Variants in CAND2 observed in about 807,000 individuals in gnomAD.
The protein encoded by CAND2 is cullin associated and neddylation dissociated 2 (putative).
A neutral mutation model predicts 98.9 loss-of-function variants in CAND2; 62 were observed. The observed-to-expected ratio is 0.63, with a 90% CI of 0.51 to 0.77. The LOEUF is 0.77. Among genes scored for constraint, CAND2 ranks in the 30% least tolerant of loss-of-function variants. The pLI, the probability that CAND2 is intolerant of heterozygous loss-of-function variation, is 0.00. For synonymous variants in CAND2, 770 were observed against 731.9 expected (o/e 1.05, Z -0.84); for missense variants, 1,501 against 1,655.2 (o/e 0.91, Z 1.62).
At position 12,810,332 on chromosome 3, in the gene CAND2, G is replaced by A. The variant is rs188667022; in HGVS notation, c.757+8G>A. On this transcript the variant is annotated splice_region_variant and intron_variant, in intron 5 of 14. Coordinates refer to ENST00000456430, the MANE Select transcript of CAND2 (RefSeq NM_001162499.2). ...AGGCCGGCCACCGCCTCGGTAAGGG[G>A]GCAGGGGGCGGGGCCTGGGCTGGCA... 13,679 of 1,438,770 alleles carry A rather than the reference G, an allele frequency of 9.5e-3. 83 individuals are homozygous for A. The highest frequency in any genetic ancestry group is 0.011 in the Non-Finnish European group (11,660 of 1,097,276). 89.1% of individuals were successfully genotyped at this position (1,438,770 alleles called of 1,614,324 possible).
rs771774968 is a variant in CAND2 at position 12,817,086 on chromosome 3, T to G, written c.2154T>G (p.Leu718=). ...MHVAQLAVDF[L]ATVTQAQPAS... Reference sequence around the variant, plus strand: ...TGGCCCAGCTGGCTGTGGACTTCCTTGCCACAGTGACCCAGGCCCAGCCAG... The same window carrying G: ...TGGCCCAGCTGGCTGTGGACTTCCTGGCCACAGTGACCCAGGCCCAGCCAG... The change falls in exon 10 of 15, where the codon CTT becomes CTG. Residue 718 remains leucine, a synonymous_variant. Transcript: ENST00000456430. 6 of 1,612,836 alleles carry G rather than the reference T, an allele frequency of 3.7e-6. No individual in the cohort carries two copies. The African/African-American group carries it at 6.7e-5, about 18-fold the overall frequency.
At chr3:12,825,415 G>A (rs2061990950) in intron 11 of CAND2, 55 bp from the exon 12 acceptor site, 2 of 1,502,876 alleles carry the variant, frequency 1.3e-6, no homozygotes, top group Non-Finnish European at 1.8e-6. Context: ...TGGTGAGGGA[G>A]GTGACTTTGT....
At position 12,810,112 on chromosome 3, in the gene CAND2, C is replaced by T. The variant is rs2061838959; in HGVS notation, c.545C>T (p.Pro182Leu). 1 of 1,509,446 alleles carries T rather than the reference C, an allele frequency of 6.6e-7. No individual in the cohort carries two copies. Among genetic ancestry groups the T allele is most frequent in the Non-Finnish European group, 8.8e-7 (1 of 1,132,112 alleles). The allele number at this position is 1,509,446 out of a possible 1,614,324, so 93.5% of individuals were successfully genotyped here. The change falls in exon 5 of 15, where the codon CCA (proline) becomes CTA (leucine). Residue 182 changes from proline to leucine, a missense_variant. Coordinates refer to ENST00000456430, the MANE Select transcript of CAND2 (RefSeq NM_001162499.2). The stretch of plus-strand genomic sequence containing the variant: ...GCCAGCCTCCTGCACTGTCTGCTGC[C>T]ACAGCTGAGCAGCCCGCGCCTGGCG... ...FHASLLHCLL[P>L]QLSSPRLAVR...
chr3:12,815,426 G>A lies in CAND2; in HGVS notation c.1292G>A (p.Arg431His), dbSNP rs1395945956. The change falls in exon 8 of 15, where the codon CGT (arginine) becomes CAT (histidine). Residue 431 changes from arginine to histidine, a missense_variant. Arg to His is a conservative substitution (Grantham distance 29). Coordinates refer to ENST00000456430, the MANE Select transcript of CAND2 (RefSeq NM_001162499.2). This position sits in a 1 kb window ranked among gnomAD's most constrained non-coding sequence, Gnocchi z 5.7. Reference sequence around the variant, plus strand: ...ACCGGCAGCAACCTCCATATGCTACGTGGACAGGTGGGCGTGCCTTCACCT... The same window carrying A: ...ACCGGCAGCAACCTCCATATGCTACATGGACAGGTGGGCGTGCCTTCACCT... ...TQTGSNLHML[R>H]GQVPLVVKAL... 10 of 1,607,396 alleles carry A rather than the reference G, an allele frequency of 6.2e-6. No homozygotes were observed. Among genetic ancestry groups the A allele is most frequent in the Non-Finnish European group, 7.7e-6 (9 of 1,175,312 alleles).
At chr3:12,819,225 AAG>A (rs1263812982) in intron 10 of CAND2, among the ~76,000 whole-genome samples, 1 of 152,260 alleles carries the variant, frequency 6.6e-6, no homozygotes, top group East Asian at 1.9e-4. Flanking sequence ...TGGCAAGGGA[AAG>A]AGGTAAAAGC....
rs1031710232 is a variant in CAND2, at chr3:12,815,910, G to A, written c.1343G>A (p.Arg448Gln). ...GCCCTGCAGCGGCAGCTTAAAGATC[G>A]GAGCGTCAGAGCCCGCCAGGGATGC... ...VKALQRQLKDRSVRARQGCFS... is the reference protein window; with the variant it reads ...VKALQRQLKDQSVRARQGCFS... Residue 448 changes from arginine to glutamine, a missense_variant, in exon 9 of 15, where the codon CGG becomes CAG. This residue lies in a region of CAND2 where 1,427 missense variants were observed against 1,545.3 expected (regional missense o/e 0.92). Transcript: ENST00000456430. The surrounding 1 kb of genome is among the most constrained non-coding windows in gnomAD (Gnocchi z 5.7). 3.1e-6 allele frequency: 5 copies of A among 1,613,744 alleles called. No homozygotes were observed. Among genetic ancestry groups the A allele is most frequent in the South Asian group, 1.1e-5 (1 of 91,086 alleles).
At position 12,820,086 on chromosome 3, in the gene CAND2, G is replaced by A; in HGVS notation, c.2945G>A (p.Gly982Asp). The change falls in exon 11 of 15, where the codon GGT becomes GAT. Residue 982 changes from glycine (G) to aspartate (D), a missense_variant and splice_region_variant. Around this residue, in one of 3 missense-constraint regions of CAND2, gnomAD observed 1,427 missense variants for 1,545.3 expected, o/e 0.92. Coordinates refer to ENST00000456430, the MANE Select transcript of CAND2 (RefSeq NM_001162499.2). ...TAACTCACCTCTTCTTGTCCTGCAG[G>A]TCGGCCACACACCCGGAGCACCGTC... ...LPRLRKQLAA[G>D]RPHTRSTVIT... The A allele has an allele frequency of 6.2e-7, 1 of 1,613,800 alleles. No individual in the cohort carries two copies. The highest frequency in any genetic ancestry group is 8.5e-7 in the Non-Finnish European group (1 of 1,179,764).
chr3:12,810,976 G>T (rs1254588541), intron 5 of CAND2, among the ~76,000 whole-genome samples: 5 of 152,214 alleles, frequency 3.3e-5, no homozygotes, highest in African/African-American at 1.2e-4. Context: ...TTTAGAAATG[G>T]AAAGCTGCAA....
At chr3:12,826,850 A>C (rs979980498) in intron 12 of CAND2, among the ~76,000 whole-genome samples, 2 of 114,430 alleles carry the variant, frequency 1.7e-5, no homozygotes, top group African/African-American at 4.0e-5. Flanking sequence ...TTTTTTTTTG[A>C]GATGGAGTCT....
In CAND2 at chr3:12,816,002, G is replaced by T. The variant is rs1451986113; in HGVS notation, c.1435G>T (p.Val479Leu). ...GSLAEHMPVLVSGIIFSLADR... is the reference protein window; with the variant it reads ...GSLAEHMPVLLSGIIFSLADR... ...CCTGGCCGAGCATATGCCTGTGCTGGTATCAGGTAGGCTGGACTGCAACCA... is the reference window on the plus strand; with the variant it reads ...CCTGGCCGAGCATATGCCTGTGCTGTTATCAGGTAGGCTGGACTGCAACCA... Residue 479 changes from valine (V) to leucine (L), a missense_variant, in exon 9 of 15, where the codon GTA becomes TTA. Val to Leu is a conservative substitution (Grantham distance 32, BLOSUM62 1). Transcript: ENST00000456430. 6.2e-7 allele frequency: 1 copy of T among 1,613,296 alleles called. No homozygotes were observed. The highest frequency in any genetic ancestry group is 1.3e-5 in the African/African-American group (1 of 74,886).
rs536543053 is a variant in CAND2, at chr3:12,820,962, G to A, written c.3040+781G>A. On this transcript the variant is annotated intron_variant, in intron 11 of 14. Transcript: ENST00000456430. The stretch of plus-strand genomic sequence containing the variant: ...AAAATGGGGGTGCTGGGCCAGGTGC[G>A]GTGGCTCTCGCCTGTAATCCCAGCA... Among the ~76,000 whole-genome samples the A allele has an allele frequency of 7.2e-5, 11 of 152,306 alleles. No homozygotes were observed. In the South Asian group the frequency reaches 8.3e-4, roughly 11 times the overall value.
chr3:12,805,820 G>A lies in CAND2; in HGVS notation c.213-1486G>A, dbSNP rs571831355. Among the ~76,000 whole-genome samples, 14 of 152,238 alleles carry A rather than the reference G, an allele frequency of 9.2e-5. No homozygotes were observed. In the South Asian group the frequency reaches 2.3e-3, roughly 25 times the overall value. On this transcript the variant is annotated intron_variant, in intron 2 of 14. Transcript: ENST00000456430. ...CCATTGGGATGTTAGAACCTCTTGC[G>A]GGGCATGGACAGTGCTTTGTTTTAC...
At chr3:12,797,902 C>CT (rs1379010600) in intron 1 of CAND2, among the ~76,000 whole-genome samples, 3 of 152,082 alleles carry the variant, frequency 2.0e-5, no homozygotes, top group African/African-American at 7.2e-5. Context: ...GGTCTGACTC[C>CT]TACTCTTCTC....
chr3:12,816,203 G>A (rs956159686), intron 9 of CAND2, among the ~76,000 whole-genome samples, 171 bp from the exon 10 acceptor site: 1 of 152,100 alleles, frequency 6.6e-6, no homozygotes, highest in African/African-American at 2.4e-5. Flanking sequence ...CCCTGGACAT[G>A]TTTCCCTCAG....
chr3:12,798,886 A>G (rs1173723260), intron 1 of CAND2, among the ~76,000 whole-genome samples: 1 of 112,402 alleles, frequency 8.9e-6, no homozygotes, highest in African/African-American at 3.8e-5. Flanking sequence ...TTTCTCTGTA[A>G]TGAAACTGAG....
chr3:12,822,027 G>T (rs937835902), intron 11 of CAND2, among the ~76,000 whole-genome samples: 2 of 152,024 alleles, frequency 1.3e-5, no homozygotes, highest in Admixed American at 1.3e-4. Flanking sequence ...TAGCATCCAC[G>T]GTTGTTTCTT....
chr3:12,807,512 TA>T (rs34529773), intron 3 of CAND2, 52 bp downstream of exon 3: 939,152 of 1,460,502 alleles, frequency 0.64, 312,205 homozygotes, highest in African/African-American at 0.93. Flanking sequence ...TAGTTTATGG[TA>T]AAAAAACAAA....
rs2061782734 is a variant in CAND2, at chr3:12,803,577, T to C, written c.158T>C (p.Leu53Pro). 2 of 1,613,444 alleles carry C rather than the reference T, an allele frequency of 1.2e-6. No homozygotes were observed. Among genetic ancestry groups the C allele is most frequent in the Non-Finnish European group, 1.7e-6 (2 of 1,179,740 alleles). The change falls in exon 2 of 15, where the codon CTG (leucine) becomes CCG (proline). Residue 53 changes from leucine (L) to proline (P), a missense_variant. Coordinates refer to ENST00000456430, the MANE Select transcript of CAND2 (RefSeq NM_001162499.2). ...AGCGAGCGCAAGGTGGTGAAGATGC[T>C]GCTCCGGCTCCTGGAGGACAAGAAC... ...EDSERKVVKM[L>P]LRLLEDKNGE...
chr3:12,810,431 T>C, intron 5 of CAND2, 107 bp downstream of exon 5: 1 of 1,127,590 alleles, frequency 8.9e-7, no homozygotes, highest in Non-Finnish European at 1.2e-6. Context: ...AGCCAGGGCC[T>C]AAGGGTGGGC....
Sources: allele counts gnomAD v4.1 joint callset (sites outside exome capture counted in the v4.1 genomes callset), GRCh38; gene constraint gnomAD v4.1.1; regional missense constraint gnomAD v4.1.1; non-coding constraint Gnocchi (gnomAD v3.1); transcripts MANE v1.5; gene names NCBI Gene and HGNC (gene_info 2026-07-23, HGNC 2026-07-21).